Variants in MTMR14 observed in about 807,000 individuals in gnomAD.
MTMR14 encodes the protein myotubularin related protein 14.
A neutral mutation model predicts 86.3 loss-of-function variants in MTMR14; 48 were observed. That is an observed-to-expected ratio of 0.56 (90% CI 0.44 to 0.71). MTMR14 has a LOEUF of 0.71. Among genes scored for constraint, MTMR14 ranks in the 30% least tolerant of loss-of-function variants. MTMR14 has a pLI of 0.00. For missense variants in MTMR14, 780 were observed against 834.6 expected (o/e 0.93, Z 0.81); for synonymous variants, 366 against 326.1 (o/e 1.12, Z -1.32).
rs2075617546 is a variant in MTMR14 at position 9,677,363 on chromosome 3, A to C, written c.798A>C (p.Glu266Asp). ...ATAAAGATCGGGATTACATGGCAGA[A>C]GGGCTCATATTTAACTGGAAGCAGG... ...KEYKDRDYMAEGLIFNWKQDY... is the reference protein window; with the variant it reads ...KEYKDRDYMADGLIFNWKQDY... Residue 266 changes from glutamate (E) to aspartate (D), a missense_variant, in exon 8 of 19, where the codon GAA becomes GAC. Physicochemically the swap from Glu to Asp is conservative, Grantham distance 45. Transcript: ENST00000296003. This position sits in a 1 kb window ranked among gnomAD's most constrained non-coding sequence, Gnocchi z 4.2. 6.2e-7 allele frequency: 1 copy of C among 1,614,024 alleles called. No individual in the cohort carries two copies. The highest frequency in any genetic ancestry group is 1.7e-5 in the Admixed American group (1 of 60,004).
At chr3:9,658,316 TG>T (rs1285609210) in intron 2 of MTMR14, among the ~76,000 whole-genome samples, 3 of 152,246 alleles carry the variant, frequency 2.0e-5, no homozygotes, top group Non-Finnish European at 2.9e-5. Flanking sequence ...GTTTTGGTCC[TG>T]TTAAGGAACC....
In MTMR14 at chr3:9,682,445, T is replaced by A. The variant is rs2075798968; in HGVS notation, c.898-733T>A. On this transcript the variant is annotated intron_variant, in intron 9 of 18. Transcript: ENST00000296003. The stretch of plus-strand genomic sequence containing the variant: ...AGACTGCCCCAGCTAGGGAAAAGGG[T>A]GCCGCAAAACTGGGTCAGGCCCTTC... Among the ~76,000 whole-genome samples the A allele has an allele frequency of 2.0e-5, 3 of 152,138 alleles. No individual in the cohort carries two copies. In the South Asian group the frequency reaches 6.2e-4, roughly 32 times the overall value.
Position 9,653,648 on chromosome 3 carries a change from G to C in MTMR14, c.187G>C (p.Glu63Gln). The C allele has an allele frequency of 6.2e-7, 1 of 1,614,098 alleles. No individual in the cohort carries two copies. ...KVERIEKRCL[E>Q]LFGRDYCFSV... The stretch of plus-strand genomic sequence containing the variant: ...TGAGCGCATTGAGAAGAGATGTCTG[G>C]AGCTGTTTGGCCGAGACTACTGTTT... The change falls in exon 2 of 19, where the codon GAG becomes CAG. Residue 63 changes from glutamate to glutamine, a missense_variant. Transcript: ENST00000296003.
chr3:9,698,891 G>A (rs558757512), intron 18 of MTMR14, among the ~76,000 whole-genome samples: 5 of 152,184 alleles, frequency 3.3e-5, no homozygotes, highest in Non-Finnish European at 5.9e-5. Context: ...ATTGCAGGCC[G>A]GGCATGGTGG....
chr3:9,658,869 T>C (rs1256328043), intron 2 of MTMR14, among the ~76,000 whole-genome samples: 1 of 152,232 alleles, frequency 6.6e-6, no homozygotes, highest in Non-Finnish European at 1.5e-5. Context: ...ATTGGAAATA[T>C]GTGATAACAG....
At chr3:9,696,219 C>G (rs1186237783) in intron 17 of MTMR14, among the ~76,000 whole-genome samples, 1 of 152,180 alleles carries the variant, frequency 6.6e-6, no homozygotes. Flanking sequence ...TCTTCTCAGC[C>G]GGGCGCACTG....
chr3:9,653,864 C>T, intron 2 of MTMR14, 95 bp downstream of exon 2: 1 of 1,525,516 alleles, frequency 6.6e-7, no homozygotes, highest in Non-Finnish European at 9.1e-7. Context: ...GGCAGAATCA[C>T]TTTCCCCAGG....
At chr3:9,653,967 A>T in intron 2 of MTMR14, 198 bp downstream of exon 2, 5 of 659,474 alleles carry the variant, frequency 7.6e-6, no homozygotes, top group Non-Finnish European at 1.3e-5. Context: ...TGGGAGTAAC[A>T]GCCCTTGATT....
intron 18 of MTMR14, among the ~76,000 whole-genome samples, chr3:9,698,640 T>G (rs1341833910): frequency 6.6e-6 from 1 of 152,126 alleles, no homozygotes; most frequent in Non-Finnish European, 1.5e-5. Context: ...CCACCCCTGT[T>G]GGCAGGTGGG....
chr3:9,677,974 C>A lies in MTMR14; in HGVS notation c.823-10C>A. ...CAACCCACATCTCACAGGAGTCTTT[C>A]TGTCCCCAGGACTACGTTGATGCCC... On this transcript the variant is annotated splice_polypyrimidine_tract_variant and intron_variant, in intron 8 of 18. Coordinates refer to ENST00000296003, the MANE Select transcript of MTMR14 (RefSeq NM_001077525.3). This position sits in a 1 kb window ranked among gnomAD's most constrained non-coding sequence, Gnocchi z 4.2. 1.2e-6 allele frequency: 2 copies of A among 1,613,872 alleles called. No individual in the cohort carries two copies. Among genetic ancestry groups the A allele is most frequent in the Non-Finnish European group, 8.5e-7 (1 of 1,179,858 alleles).
intron 5 of MTMR14, among the ~76,000 whole-genome samples, 160 bp from the exon 6 acceptor site, chr3:9,670,888 G>A (rs1022090032): frequency 7.9e-5 from 12 of 152,120 alleles, no homozygotes; most frequent in African/African-American, 2.7e-4. Flanking sequence ...CTGCAACCTC[G>A]CTGAAATCAG....
intron 2 of MTMR14, among the ~76,000 whole-genome samples, chr3:9,656,562 C>T (rs1001738128): frequency 6.6e-6 from 1 of 151,790 alleles, no homozygotes; most frequent in Non-Finnish European, 1.5e-5. Context: ...GCTGGAATTA[C>T]AGGTGTGTGG....
At position 9,683,282 on chromosome 3, in the gene MTMR14, C is replaced by T. The variant is rs762059897; in HGVS notation, c.964+38C>T. 17 of 1,587,724 alleles carry T rather than the reference C, an allele frequency of 1.1e-5. No individual in the cohort carries two copies. In the East Asian group the frequency reaches 2.0e-4, roughly 19 times the overall value. On this transcript the variant is annotated intron_variant, in intron 10 of 18. Transcript: ENST00000296003. ...CCTCCAGAGCCCTCGAGCCACTGCA[C>T]CCTTGGGGAGTTCCCAGTTCATTCT...
In MTMR14 at chr3:9,687,876, C is replaced by A. The variant is rs2125306323; in HGVS notation, c.1220C>A (p.Ala407Asp). ...CATATTACCTCCGAGGAGTTCTCTGCTCTGAAGACCCAGAGGTAAGTGGAG... is the reference window on the plus strand; with the variant it reads ...CATATTACCTCCGAGGAGTTCTCTGATCTGAAGACCCAGAGGTAAGTGGAG... ...LKHITSEEFS[A>D]LKTQRRKSLP... Residue 407 changes from alanine (A) to aspartate (D), a missense_variant, in exon 14 of 19, where the codon GCT (alanine) becomes GAT (aspartate). By Grantham distance (126) the Ala-to-Asp change is moderately radical. Transcript: ENST00000296003. The A allele has an allele frequency of 6.3e-7, 1 of 1,588,586 alleles. No individual in the cohort carries two copies. The highest frequency in any genetic ancestry group is 8.6e-7 in the Non-Finnish European group (1 of 1,165,132).
At chr3:9,654,383 T>C (rs990623988) in intron 2 of MTMR14, among the ~76,000 whole-genome samples, 2 of 152,224 alleles carry the variant, frequency 1.3e-5, no homozygotes, top group African/African-American at 4.8e-5. Context: ...TTGTAAGAAT[T>C]AGAAATAAAA....
At chr3:9,684,117 G>A (rs767823108) in intron 10 of MTMR14, among the ~76,000 whole-genome samples, 17 of 152,188 alleles carry the variant, frequency 1.1e-4, no homozygotes, top group Non-Finnish European at 1.9e-4. Flanking sequence ...CGTGTGTCTG[G>A]CATGTTAGGT....
intron 2 of MTMR14, among the ~76,000 whole-genome samples, chr3:9,658,774 CATTT>C: frequency 6.6e-6 from 1 of 152,314 alleles, no homozygotes; most frequent in Admixed American, 6.5e-5. Flanking sequence ...GCAGCAGTAA[CATTT>C]ATCTCAGGAA....
At chr3:9,679,140 C>T (rs578004073) in intron 9 of MTMR14, among the ~76,000 whole-genome samples, 1 of 152,176 alleles carries the variant, frequency 6.6e-6, no homozygotes, top group African/African-American at 2.4e-5. Flanking sequence ...TATATCCAGA[C>T]CCTAATCACA....
rs545727674 is a variant in MTMR14 at position 9,681,989 on chromosome 3, G to A, written c.898-1189G>A. On this transcript the variant is annotated intron_variant, in intron 9 of 18. Transcript: ENST00000296003. ...GGCATTCCGCAGCTCTCTTGTCCTC[G>A]GCAGGGCCTGCCCTCCCCGGCTGCT... Among the ~76,000 whole-genome samples the A allele has an allele frequency of 3.3e-5, 5 of 152,250 alleles. No individual in the cohort carries two copies. The South Asian group carries it at 6.2e-4, about 19-fold the overall frequency.
Sources: gnomAD v4.1 joint callset for allele counts (sites outside exome capture counted in the v4.1 genomes callset) on GRCh38, gnomAD v4.1.1 for gene constraint, Gnocchi (gnomAD v3.1) non-coding constraint, MANE v1.5 for transcripts, NCBI Gene and HGNC (gene_info 2026-07-23, HGNC 2026-07-21) for gene names.